Variants in GBE1 observed in about 807,000 individuals in gnomAD.
GBE1 encodes 1,4-alpha-glucan branching enzyme 1, also known as 1,4-alpha-glucan-branching enzyme.
A neutral mutation model predicts 88.8 loss-of-function variants in GBE1; 70 were observed. The ratio of observed to expected loss-of-function variants is 0.79; its 90% CI spans 0.65 to 0.96. The LOEUF is 0.96. GBE1 is among the 40% of genes least tolerant of loss of function. The probability of loss-of-function intolerance (pLI) is 0.00; values close to 1 mark genes in which losing one functional copy is unlikely to be tolerated. For missense variants in GBE1, 872 were observed against 871.0 expected, an observed-to-expected ratio of 1.00 and a Z score of -0.01; for synonymous variants, 284 against 300.1, an observed-to-expected ratio of 0.95 and a Z score of 0.56.
intron 3 of GBE1, among the ~76,000 whole-genome samples, chr3:81,667,283 G>T (rs77012535): frequency 6.6e-6 from 1 of 152,002 alleles, no homozygotes; most frequent in Non-Finnish European, 1.5e-5. Context: ...TGTGATTTTC[G>T]CACATTGATT....
chr3:81,721,257 AG>A (rs149763534), intron 1 of GBE1, among the ~76,000 whole-genome samples: 49,775 of 100,504 alleles, frequency 0.5, 13,640 homozygotes, highest in East Asian at 0.76. Flanking sequence ...AAAAAAAAAA[AG>A]AAAGAAAACC....
intron 1 of GBE1, among the ~76,000 whole-genome samples, chr3:81,753,375 G>A (rs1706559067): frequency 6.6e-6 from 1 of 152,118 alleles, no homozygotes; most frequent in African/African-American, 2.4e-5. Flanking sequence ...CCTGGTAGTA[G>A]CAATTTTCTC....
rs528469746 is a variant in GBE1 at position 81,581,367 on chromosome 3, A to T, written c.1336-92T>A. ...CTGAAGTTATGCATTATATCAGTGC[A>T]AACTATTTGATAAGCACATATTAGT... On this transcript the variant is annotated intron_variant, in intron 10 of 15. Transcript: ENST00000429644. 3.2e-4 allele frequency: 227 copies of T among 710,618 alleles called. 2 individuals carry two copies. Among genetic ancestry groups the T allele is most frequent in the South Asian group, 3.0e-3 (165 of 54,444 alleles). 44.0% of individuals were successfully genotyped at this position (710,618 alleles called of 1,614,324 possible).
In GBE1 at chr3:81,705,506, C is replaced by T. The variant is rs372017958; in HGVS notation, c.251G>A (p.Gly84Asp). ...ESFGVHRCADGGLYCKEWAPG... is the reference protein window; with the variant it reads ...ESFGVHRCADDGLYCKEWAPG... ...GGCCCATTCTTTGCAGTATAAACCACCATCAGCACATCTGTGGACGCCAAA... is the reference window on the plus strand; with the variant it reads ...GGCCCATTCTTTGCAGTATAAACCATCATCAGCACATCTGTGGACGCCAAA... Residue 84 changes from glycine to aspartate, a missense_variant, in exon 2 of 16, where the codon GGT becomes GAT. Transcript: ENST00000429644. The T allele has an allele frequency of 2.0e-5, 32 of 1,603,688 alleles. No individual in the cohort carries two copies. The highest frequency in any genetic ancestry group is 2.7e-5 in the African/African-American group (2 of 74,628).
chr3:81,545,918 C>G (rs1005527353), intron 12 of GBE1, among the ~76,000 whole-genome samples: 3 of 152,072 alleles, frequency 2.0e-5, no homozygotes, highest in Admixed American at 1.3e-4. Flanking sequence ...AGTTACCAAA[C>G]GGACTGCCAT....
intron 15 of GBE1, among the ~76,000 whole-genome samples, chr3:81,494,259 G>T (rs1702474828): frequency 6.6e-6 from 1 of 151,950 alleles, no homozygotes; most frequent in African/African-American, 2.4e-5. Flanking sequence ...TTTCTTAGTG[G>T]TTAGAAAACT....
chr3:81,717,382 T>C (rs1052919305), intron 1 of GBE1, among the ~76,000 whole-genome samples: 3 of 152,224 alleles, frequency 2.0e-5, no homozygotes, highest in Admixed American at 6.5e-5. Flanking sequence ...CTCCTGAGAA[T>C]GTATGGTCAA....
rs939688078 is a variant in GBE1, at chr3:81,733,654, G to A, written c.143+27721C>T. ...TCAGCTTCTCAATAGTTCCTAACCT[G>A]AAATACGCCTATTTAAAACTGCCCC... On this transcript the variant is annotated intron_variant, in intron 1 of 15. Transcript: ENST00000429644. This position sits in a 1 kb window ranked among gnomAD's most constrained non-coding sequence, Gnocchi z 4.0. Among the ~76,000 whole-genome samples, 3 of 152,096 alleles carry A rather than the reference G, an allele frequency of 2.0e-5. No homozygotes were observed. The highest frequency in any genetic ancestry group is 4.4e-5 in the Non-Finnish European group (3 of 68,008).
intron 3 of GBE1, among the ~76,000 whole-genome samples, chr3:81,667,627 C>T (rs140230463): frequency 1.6e-4 from 24 of 152,156 alleles, no homozygotes; most frequent in South Asian, 4.2e-4. Context: ...TTTATCAATG[C>T]TTATTTTATT....
intron 14 of GBE1, chr3:81,534,862 T>A (rs1576137091): frequency 1.1e-5 from 2 of 188,318 alleles, no homozygotes; most frequent in East Asian, 3.1e-4. Flanking sequence ...ACTTCATTTA[T>A]TGTCTTCTGT....
intron 13 of GBE1, among the ~76,000 whole-genome samples, chr3:81,536,082 C>T (rs556595382): frequency 9.9e-5 from 15 of 151,994 alleles, no homozygotes; most frequent in African/African-American, 3.1e-4. Context: ...TGGTATTCAA[C>T]GTTGTTCCTA....
At chr3:81,558,940 T>C (rs1385618279) in intron 12 of GBE1, among the ~76,000 whole-genome samples, 1 of 152,104 alleles carries the variant, frequency 6.6e-6, no homozygotes, top group Non-Finnish European at 1.5e-5. Flanking sequence ...TTTGATGTTA[T>C]ATTTGCCCAG....
chr3:81,533,794 G>A (rs527390487), intron 14 of GBE1, among the ~76,000 whole-genome samples: 7 of 152,136 alleles, frequency 4.6e-5, no homozygotes, highest in African/African-American at 1.7e-4. Context: ...TTGAAGAGAT[G>A]CACAAAAAAA....
At chr3:81,686,336 T>C (rs184564764) in intron 2 of GBE1, among the ~76,000 whole-genome samples, 22 of 152,228 alleles carry the variant, frequency 1.4e-4, no homozygotes, top group African/African-American at 5.1e-4. Flanking sequence ...GATACCTATA[T>C]GGAGGCGGGA....
Position 81,535,220 on chromosome 3 carries a change from G to A in GBE1, c.1909C>T (p.Arg637Ter), listed in dbSNP as rs766935302. 3.0e-5 allele frequency: 49 copies of A among 1,610,418 alleles called. No individual in the cohort carries two copies. Among genetic ancestry groups the A allele is most frequent in the Non-Finnish European group, 4.0e-5 (47 of 1,178,290 alleles). ...FHPSKSYTDY[R>*]VGTALPGKFK... The stretch of plus-strand genomic sequence containing the variant: ...TTCCCTGGCAATGCTGTTCCAACTC[G>A]GTAGTCAGTGTAGCTCTTGCTTGGA... The change falls in exon 14 of 16, where the codon CGA (arginine) becomes TGA (stop). Residue 637 changes from arginine (R) to a stop codon, truncating the protein, a stop_gained. Coordinates refer to ENST00000429644, the MANE Select transcript of GBE1 (RefSeq NM_000158.4). LOFTEE classifies it high-confidence loss of function.
At chr3:81,676,838 A>G (rs966352306) in intron 2 of GBE1, among the ~76,000 whole-genome samples, 2 of 152,158 alleles carry the variant, frequency 1.3e-5, no homozygotes, top group African/African-American at 4.8e-5. Context: ...GACTCAAAAC[A>G]AGCTGACAAA....
At chr3:81,609,679 A>C (rs1298120583) in intron 7 of GBE1, among the ~76,000 whole-genome samples, 1 of 152,096 alleles carries the variant, frequency 6.6e-6, no homozygotes, top group African/African-American at 2.4e-5. Context: ...CATGGACTTT[A>C]TGGCAATTGC....
At chr3:81,686,375 G>A (rs1705440122) in intron 2 of GBE1, among the ~76,000 whole-genome samples, 1 of 152,102 alleles carries the variant, frequency 6.6e-6, no homozygotes, top group Non-Finnish European at 1.5e-5. Flanking sequence ...GGGAATGCAG[G>A]TACATGGGGT....
At chr3:81,534,325 A>G (rs1466763176) in intron 14 of GBE1, among the ~76,000 whole-genome samples, 1 of 152,016 alleles carries the variant, frequency 6.6e-6, no homozygotes, top group African/African-American at 2.4e-5. Context: ...TAAAAGCTCT[A>G]TGACGGCAGT....
Sources: allele counts gnomAD v4.1 joint callset (sites outside exome capture counted in the v4.1 genomes callset), GRCh38; gene constraint gnomAD v4.1.1; non-coding constraint Gnocchi (gnomAD v3.1); transcripts MANE v1.5; gene names NCBI Gene and HGNC (gene_info 2026-07-23, HGNC 2026-07-21).